The following ERC2 variants were observed in gnomAD, a reference collection of about 807,000 sequenced individuals.
ERC2 encodes ELKS/RAB6-interacting/CAST family member 2, also known as ERC protein 2.
A neutral mutation model predicts 114.8 loss-of-function variants in ERC2; 42 were observed. The ratio of observed to expected loss-of-function variants is 0.37; its 90% CI spans 0.29 to 0.47. The LOEUF (loss-of-function observed/expected upper bound fraction) is 0.47. Among genes scored for constraint, ERC2 ranks in the 20% least tolerant of loss-of-function variants. The probability of loss-of-function intolerance (pLI) is 0.99; values close to 1 mark genes in which losing one functional copy is unlikely to be tolerated. For synonymous variants in ERC2, 454 were observed against 425.5 expected, an observed-to-expected ratio of 1.07 and a Z score of -0.82; for missense variants, 939 against 1,150.7, an observed-to-expected ratio of 0.82 and a Z score of 2.66.
chr3:55,528,669 A>G (rs1292930154), intron 17 of ERC2, among the ~76,000 whole-genome samples: 2 of 152,196 alleles, frequency 1.3e-5, no homozygotes, highest in Non-Finnish European at 2.9e-5. Flanking sequence ...ACTGTCTGGT[A>G]CAGACACAAG....
intron 13 of ERC2, among the ~76,000 whole-genome samples, chr3:55,941,457 G>A (rs1235915116): frequency 6.6e-6 from 1 of 152,158 alleles, no homozygotes; most frequent in Non-Finnish European, 1.5e-5. Context: ...CTCAGCTCCA[G>A]AGCAACTGAT....
intron 12 of ERC2, among the ~76,000 whole-genome samples, chr3:55,968,487 C>T (rs760442393): frequency 6.6e-6 from 1 of 152,096 alleles, no homozygotes; most frequent in Non-Finnish European, 1.5e-5. Flanking sequence ...GCGTAAGAGC[C>T]CACAAGCTGC....
intron 1 of ERC2, among the ~76,000 whole-genome samples, chr3:56,454,712 A>T (rs1054408639): frequency 3.3e-5 from 5 of 152,076 alleles, no homozygotes; most frequent in African/African-American, 1.2e-4. Context: ...TTAGCCGGGC[A>T]TGTTGGCATG....
intron 12 of ERC2, among the ~76,000 whole-genome samples, chr3:55,980,921 G>T (rs1296777546): frequency 2.6e-5 from 4 of 152,202 alleles, no homozygotes; most frequent in African/African-American, 9.7e-5. Flanking sequence ...AGTGCCAATT[G>T]TGTTCCTTCA....
chr3:56,227,735 G>A (rs892190893), intron 3 of ERC2, among the ~76,000 whole-genome samples: 22 of 152,172 alleles, frequency 1.4e-4, no homozygotes, highest in Admixed American at 1.1e-3. Context: ...CTGGGAAAAC[G>A]ATTTAGCAGT....
intron 7 of ERC2, among the ~76,000 whole-genome samples, chr3:56,023,774 T>G (rs11720384): frequency 0.17 from 22,093 of 131,782 alleles, 2,149 homozygotes; most frequent in South Asian, 0.28. Context: ...AAAAAAGGAA[T>G]GAAGGAAGGA....
At chr3:56,158,187 C>T (rs1436224934) in intron 4 of ERC2, among the ~76,000 whole-genome samples, 1 of 152,162 alleles carries the variant, frequency 6.6e-6, no homozygotes, top group Non-Finnish European at 1.5e-5. Context: ...GACAGTTAGT[C>T]CAATCCCTTC....
At chr3:56,046,031 T>C (rs182782596) in intron 7 of ERC2, among the ~76,000 whole-genome samples, 72 of 152,294 alleles carry the variant, frequency 4.7e-4, no homozygotes, top group African/African-American at 1.7e-3. Flanking sequence ...CGACTAGAAG[T>C]GCTGACACAG....
In ERC2 at chr3:56,258,383, C is replaced by T. The variant is rs58122496; in HGVS notation, c.1074+37636G>A. On this transcript the variant is annotated intron_variant, in intron 3 of 17. Coordinates refer to ENST00000288221, the MANE Select transcript of ERC2 (RefSeq NM_015576.3). ...TCCAATAAAATATGTACTGGCCGGG[C>T]GCGGTGGCTCACGCCTGTAATCCCA... Among the ~76,000 whole-genome samples, 396 of 152,282 alleles carry T rather than the reference C, an allele frequency of 2.6e-3. 3 individuals are homozygous for T. Among genetic ancestry groups the T allele is most frequent in the African/African-American group, 9.0e-3 (376 of 41,558 alleles).
intron 15 of ERC2, among the ~76,000 whole-genome samples, chr3:55,699,756 T>C (rs1001665936): frequency 2.0e-5 from 3 of 152,192 alleles, no homozygotes; most frequent in Admixed American, 6.5e-5. Flanking sequence ...CTTCTTGTGA[T>C]TTAAAAGGGA....
At chr3:56,057,738 G>C (rs991109888) in intron 7 of ERC2, among the ~76,000 whole-genome samples, 3 of 152,124 alleles carry the variant, frequency 2.0e-5, no homozygotes, top group Non-Finnish European at 4.4e-5. Context: ...GGATACGTCA[G>C]TACACAAAAC....
intron 15 of ERC2, among the ~76,000 whole-genome samples, chr3:55,731,719 T>C (rs1251446615): frequency 6.6e-6 from 1 of 152,194 alleles, no homozygotes; most frequent in Non-Finnish European, 1.5e-5. Flanking sequence ...TGGCTTCTTC[T>C]CTATAAGAGT....
intron 3 of ERC2, among the ~76,000 whole-genome samples, chr3:56,180,926 T>C (rs1034294039): frequency 4.6e-5 from 7 of 152,234 alleles, no homozygotes; most frequent in Non-Finnish European, 8.8e-5. Context: ...TGTCTATCTT[T>C]TTCATGCATG....
chr3:55,718,000 G>A (rs75670123), intron 15 of ERC2, among the ~76,000 whole-genome samples: 19 of 152,282 alleles, frequency 1.2e-4, no homozygotes, highest in Non-Finnish European at 2.6e-4. Context: ...ATAAGGAGAT[G>A]TCGGGATAAT....
intron 12 of ERC2, among the ~76,000 whole-genome samples, chr3:55,980,390 A>G (rs1053755764): frequency 2.6e-5 from 4 of 152,194 alleles, no homozygotes; most frequent in Admixed American, 2.6e-4. Flanking sequence ...TGTAGACTTC[A>G]CAAAGATGTG....
intron 3 of ERC2, among the ~76,000 whole-genome samples, chr3:56,251,848 T>C (rs1480146211): frequency 1.3e-5 from 2 of 152,260 alleles, no homozygotes; most frequent in African/African-American, 4.8e-5. Flanking sequence ...TAGATGCCTC[T>C]GAACTCCTCA....
intron 4 of ERC2, among the ~76,000 whole-genome samples, chr3:56,159,710 A>C (rs1475654135): frequency 1.3e-5 from 2 of 152,134 alleles, no homozygotes; most frequent in South Asian, 2.1e-4. Context: ...CTTTATGTCC[A>C]TGAGTACTTG....
chr3:55,691,573 A>AAAAATATATATAT (rs1553631525), intron 16 of ERC2, among the ~76,000 whole-genome samples: 1 of 39,746 alleles, frequency 2.5e-5, no homozygotes. Context: ...AAAAAAAAAA[A>AAAAATATATATAT]ATATATATAT....
rs535534962 is a variant in ERC2, at chr3:56,378,848, A to C, written c.657+55503T>G. On this transcript the variant is annotated intron_variant, in intron 2 of 17. Transcript: ENST00000288221. ...CAACAGAGGCACTGTGATTTGGCAG[A>C]TGTACCTCCATTCGAGAACCCTGGC... 2.8e-4 allele frequency among the ~76,000 whole-genome samples: 42 copies of C among 152,320 alleles called. No individual in the cohort carries two copies. In the Middle Eastern group the frequency reaches 0.014, roughly 49 times the overall value.
Sources: gnomAD v4.1 joint callset for allele counts (sites outside exome capture counted in the v4.1 genomes callset) on GRCh38, gnomAD v4.1.1 for gene constraint, MANE v1.5 for transcripts, NCBI Gene and HGNC (gene_info 2026-07-23, HGNC 2026-07-21) for gene names.